CCDC141: variants seen among roughly 807,000 people sequenced by gnomAD.
CCDC141 encodes the protein coiled-coil domain containing 141, also known as coiled-coil domain-containing protein 141.
In CCDC141, 168 loss-of-function variants were observed where a neutral mutation model predicts 181.0. The observed-to-expected ratio is 0.93, with a 90% CI of 0.82 to 1.05. The LOEUF (loss-of-function observed/expected upper bound fraction) is 1.05, where lower values mean the gene tolerates loss of function less well. Among genes scored for constraint, CCDC141 ranks in the 50% least tolerant of loss-of-function variants. The pLI is 0.00. For missense variants in CCDC141, 1,902 were observed against 1,788.5 expected (o/e 1.06, Z -1.14); for synonymous variants, 666 against 642.3 (o/e 1.04, Z -0.56).
In CCDC141 at chr2:179,020,047, T is replaced by A. The variant is rs374430159; in HGVS notation, c.225+27237A>T. 2.0e-5 allele frequency among the ~76,000 whole-genome samples: 3 copies of A among 152,242 alleles called. No individual in the cohort carries two copies. The East Asian group carries it at 5.8e-4, about 29-fold the overall frequency. The stretch of plus-strand genomic sequence containing the variant: ...CTAGGATTACAGGCATGGACCACTA[T>A]GCCCAGCTGGAAAGATCATTTGATA... On this transcript the variant is annotated intron_variant, in intron 2 of 23. Coordinates refer to ENST00000443758, the MANE Select transcript of CCDC141 (RefSeq NM_173648.4).
chr2:179,045,792 C>G (rs2043477336), intron 2 of CCDC141, among the ~76,000 whole-genome samples: 1 of 152,134 alleles, frequency 6.6e-6, no homozygotes, highest in African/African-American at 2.4e-5. Context: ...ACAGACACTT[C>G]TCAAAAGAAG....
In CCDC141 at chr2:178,865,827, C is replaced by T; in HGVS notation, c.2664G>A (p.Glu888=). ...DSMKWRAKAE[E]YGRTLSRSVE... ...CACTACGGGACAGGGTCCGTCCATACTCCTCAGCTTTGGCACGCCACTTCA... is the reference window on the plus strand; with the variant it reads ...CACTACGGGACAGGGTCCGTCCATATTCCTCAGCTTTGGCACGCCACTTCA... Residue 888 remains glutamate (E), a synonymous_variant, in exon 17 of 24, where the codon GAG becomes GAA. Transcript: ENST00000443758. The T allele has an allele frequency of 6.2e-7, 1 of 1,607,388 alleles. No homozygotes were observed. The highest frequency in any genetic ancestry group is 8.5e-7 in the Non-Finnish European group (1 of 1,176,626).
At chr2:178,909,422 C>A (rs1198988660) in intron 7 of CCDC141, among the ~76,000 whole-genome samples, 1 of 152,128 alleles carries the variant, frequency 6.6e-6, no homozygotes, top group Non-Finnish European at 1.5e-5. Context: ...TGTAGAATAC[C>A]TATTGGTACG....
chr2:178,890,732 C>T (rs1312748900), intron 8 of CCDC141, among the ~76,000 whole-genome samples: 1 of 152,152 alleles, frequency 6.6e-6, no homozygotes, highest in African/African-American at 2.4e-5. Context: ...CCAGCCTCCT[C>T]TTTGGCCATT....
chr2:179,015,082 A>ATATATATATAT, intron 2 of CCDC141, among the ~76,000 whole-genome samples: 1 of 40,110 alleles, frequency 2.5e-5, no homozygotes, highest in South Asian at 6.4e-4. Flanking sequence ...ATATATATAT[A>ATATATATATAT]TATATATATA....
chr2:178,855,436 G>A lies in CCDC141; in HGVS notation c.2971C>T (p.Gln991Ter). The change falls in exon 19 of 24, where the codon CAA becomes TAA. Residue 991 changes from glutamine to a stop codon, truncating the protein, a stop_gained. Transcript: ENST00000443758. LOFTEE classifies it high-confidence loss of function. ...NVLLEVMKDLQKHVDDFDKVV... is the reference protein window; with the variant it reads ...NVLLEVMKDL ...TTGTCAAAGTCATCCACATGTTTTT[G>A]CAAATCCTTCATGACTTCCAAAAGG... The A allele has an allele frequency of 6.2e-7, 1 of 1,611,494 alleles. No individual in the cohort carries two copies. The highest frequency in any genetic ancestry group is 1.7e-4 in the Middle Eastern group (1 of 6,050).
Position 178,830,048 on chromosome 2 carries a change from T to G in CCDC141, c.*4125A>C, listed in dbSNP as rs1684193233. The G allele has an allele frequency of 6.6e-6, 1 of 152,256 alleles. No individual in the cohort carries two copies. Among genetic ancestry groups the G allele is most frequent in the Non-Finnish European group, 1.5e-5 (1 of 68,046 alleles). 9.4% of individuals were successfully genotyped at this position (152,256 alleles called of 1,614,324 possible). A position where few individuals can be genotyped will look rare whatever the true frequency, so the allele number is the denominator to read the frequency against. On this transcript the variant is annotated 3_prime_UTR_variant, in exon 24 of 24. Transcript: ENST00000443758. ...ACAGCCCAGACTACTGAGCCCCAGC[T>G]ACAATTAAATATTGATCATTTACGT...
chr2:178,990,098 C>G (rs982136238), intron 2 of CCDC141, among the ~76,000 whole-genome samples: 1 of 146,406 alleles, frequency 6.8e-6, no homozygotes, highest in Non-Finnish European at 1.5e-5. Context: ...GAGATTGCAC[C>G]GTTGCACTCA....
In CCDC141 at chr2:178,997,740, C is replaced by A. The variant is rs112622691; in HGVS notation, c.226-19065G>T. 3.6e-3 allele frequency among the ~76,000 whole-genome samples: 547 copies of A among 152,264 alleles called. 3 individuals carry two copies. Among genetic ancestry groups the A allele is most frequent in the Non-Finnish European group, 6.5e-3 (440 of 68,026 alleles). On this transcript the variant is annotated intron_variant, in intron 2 of 23. Coordinates refer to ENST00000443758, the MANE Select transcript of CCDC141 (RefSeq NM_173648.4). ...AATGGTGGGAAAACCATTGATAACACCCTCGAAGTCTTCTCTCTCTCACTT... is the reference window on the plus strand; with the variant it reads ...AATGGTGGGAAAACCATTGATAACAACCTCGAAGTCTTCTCTCTCTCACTT...
At chr2:179,009,625 G>T (rs1054865950) in intron 2 of CCDC141, among the ~76,000 whole-genome samples, 4 of 138,758 alleles carry the variant, frequency 2.9e-5, no homozygotes, top group Non-Finnish European at 4.6e-5. Flanking sequence ...CCATCTATAG[G>T]TCTCTCAACC....
At chr2:178,876,276 A>G (rs1322841735) in intron 12 of CCDC141, 1 of 152,222 alleles carries the variant, frequency 6.6e-6, no homozygotes, top group African/African-American at 2.4e-5. Flanking sequence ...TTGAAAATCT[A>G]CAGAAACTAG....
chr2:178,984,610 G>A (rs1691617697), intron 2 of CCDC141, among the ~76,000 whole-genome samples: 3 of 149,658 alleles, frequency 2.0e-5, no homozygotes, highest in Admixed American at 2.0e-4. Context: ...AAAATAAAAG[G>A]ATGGAGGAAG....
At position 178,918,696 on chromosome 2, in the gene CCDC141, CT is replaced by C; in HGVS notation, c.1092+16del. ...CTGCCTGATTACCGAAAATTATCAA[CT>C]TGACCTCACACTGACCTTGTTAGCA... is the stretch of plus-strand genomic sequence containing the variant. On this transcript the variant is annotated intron_variant, in intron 7 of 23. Transcript: ENST00000443758. 6.5e-7 allele frequency: 1 copy of C among 1,544,230 alleles called. No individual in the cohort carries two copies. The highest frequency in any genetic ancestry group is 8.8e-7 in the Non-Finnish European group (1 of 1,142,558).
intron 8 of CCDC141, among the ~76,000 whole-genome samples, chr2:178,902,701 G>T (rs1267262134): frequency 6.6e-6 from 1 of 150,874 alleles, no homozygotes; most frequent in East Asian, 2.0e-4. Context: ...CATGGGCAAG[G>T]ACTTCATGTC....
At chr2:178,819,136 C>T in the CCDC141 span, among the ~76,000 whole-genome samples, 152,176 of 152,344 alleles carry the variant, frequency 1, 76,004 homozygotes, top group Non-Finnish European at 1. Context: ...GTAATAAAGA[C>T]GACATTTGGA....
intron 2 of CCDC141, among the ~76,000 whole-genome samples, chr2:179,028,768 A>C (rs1462163697): frequency 6.6e-6 from 1 of 152,212 alleles, no homozygotes; most frequent in African/African-American, 2.4e-5. Flanking sequence ...AACCTTTAAA[A>C]TTTTATCCTG....
chr2:179,011,063 C>T (rs1251704279), intron 2 of CCDC141, among the ~76,000 whole-genome samples: 2 of 151,914 alleles, frequency 1.3e-5, no homozygotes, highest in Non-Finnish European at 2.9e-5. Context: ...GAGGCTGAGG[C>T]AGGAGAATCA....
intron 23 of CCDC141, 103 bp downstream of exon 23, chr2:178,836,791 A>T: frequency 2.3e-6 from 3 of 1,295,074 alleles, no homozygotes; most frequent in South Asian, 2.9e-5. Flanking sequence ...GTCATAGAAT[A>T]TTAATCAGCT....
At chr2:178,862,054 G>A (rs972810363) in intron 17 of CCDC141, among the ~76,000 whole-genome samples, 1 of 152,122 alleles carries the variant, frequency 6.6e-6, no homozygotes, top group African/African-American at 2.4e-5. Context: ...TTGCGTATGT[G>A]TCTATAGCAA....
Sources: allele counts gnomAD v4.1 joint callset (sites outside exome capture counted in the v4.1 genomes callset), GRCh38; gene constraint gnomAD v4.1.1; transcripts MANE v1.5; gene names NCBI Gene and HGNC (gene_info 2026-07-23, HGNC 2026-07-21).